LRBA: variants seen among roughly 807,000 people sequenced by gnomAD.
LRBA encodes the protein lipopolysaccharide-responsive and beige-like anchor protein.
A neutral mutation model predicts 330.0 loss-of-function variants in LRBA; 176 were observed. That is an observed-to-expected ratio of 0.53 (90% CI 0.47 to 0.60). The LOEUF (loss-of-function observed/expected upper bound fraction) is 0.60, where lower values mean the gene tolerates loss of function less well. Ranked by LOEUF, LRBA falls within the 20% of genes least tolerant of loss-of-function variation. The pLI is 0.00. For synonymous variants in LRBA, 1,230 were observed against 1,193.0 expected (o/e 1.03, Z -0.64); for missense variants, 3,259 against 3,444.8 (o/e 0.95, Z 1.35).
chr4:150,850,911 GA>G lies in LRBA; in HGVS notation c.3826-10del. ...TCATGTTGCCTTGATATCTAATACA[GA>G]AATTTAAAAAGTAATAAAATAGGTT... On this transcript the variant is annotated splice_polypyrimidine_tract_variant and intron_variant, in intron 23 of 56. Coordinates refer to ENST00000651943, the MANE Select transcript of LRBA (RefSeq NM_001364905.1). 6.3e-7 allele frequency: 1 copy of G among 1,589,228 alleles called. No homozygotes were observed. Among genetic ancestry groups the G allele is most frequent in the Non-Finnish European group, 8.6e-7 (1 of 1,169,482 alleles).
chr4:150,270,978 A>G (rs1409340294), intron 56 of LRBA, among the ~76,000 whole-genome samples: 1 of 152,194 alleles, frequency 6.6e-6, no homozygotes, highest in Non-Finnish European at 1.5e-5. Context: ...CGCTGGGTGG[A>G]TGATTTCTGC....
chr4:150,280,402 T>C (rs1375460009), intron 55 of LRBA, among the ~76,000 whole-genome samples: 2 of 152,200 alleles, frequency 1.3e-5, no homozygotes, highest in Non-Finnish European at 2.9e-5. Context: ...TAAAACAGCC[T>C]CAGGAAGGGA....
intron 51 of LRBA, among the ~76,000 whole-genome samples, chr4:150,312,948 G>A (rs1731250099): frequency 6.6e-6 from 1 of 151,646 alleles, no homozygotes; most frequent in Admixed American, 6.6e-5. Flanking sequence ...TTCATTTTAT[G>A]TAAATAAACA....
chr4:150,833,890 A>G (rs1411060374), intron 28 of LRBA, among the ~76,000 whole-genome samples: 2 of 152,234 alleles, frequency 1.3e-5, no homozygotes, highest in Non-Finnish European at 2.9e-5. Context: ...GTTTTATCAA[A>G]TACATTTAGG....
In LRBA at chr4:150,442,107, G is replaced by A. The variant is rs562477123; in HGVS notation, c.6781-5243C>T. Among the ~76,000 whole-genome samples the A allele has an allele frequency of 4.6e-5, 7 of 152,198 alleles. No individual in the cohort carries two copies. In the South Asian group the frequency reaches 1.5e-3, roughly 32 times the overall value. ...AGTTATTGAAGGTAAGAAAGTTCTG[G>A]GAAATTGGCAAGAAATCTCAGATTT... On this transcript the variant is annotated intron_variant, in intron 44 of 56. Coordinates refer to ENST00000651943, the MANE Select transcript of LRBA (RefSeq NM_001364905.1).
At chr4:150,672,261 G>A (rs916130401) in intron 37 of LRBA, among the ~76,000 whole-genome samples, 6 of 152,020 alleles carry the variant, frequency 3.9e-5, no homozygotes, top group African/African-American at 1.4e-4. Context: ...ATCCCATGGT[G>A]ATTCTAATAG....
At chr4:150,617,780 A>T (rs1473552944) in intron 37 of LRBA, among the ~76,000 whole-genome samples, 1 of 152,134 alleles carries the variant, frequency 6.6e-6, no homozygotes, top group Non-Finnish European at 1.5e-5. Context: ...ATAGCCACTA[A>T]ACCTCGTCTA....
intron 22 of LRBA, among the ~76,000 whole-genome samples, chr4:150,859,018 TTTC>T (rs1365131023): frequency 6.6e-6 from 1 of 152,198 alleles, no homozygotes; most frequent in East Asian, 1.9e-4. Flanking sequence ...ATGGTAGTTT[TTTC>T]TTATGTACAG....
chr4:150,873,189 A>G (rs1478352322), intron 17 of LRBA, among the ~76,000 whole-genome samples: 1 of 152,248 alleles, frequency 6.6e-6, no homozygotes, highest in Non-Finnish European at 1.5e-5. Flanking sequence ...ATAAATGATT[A>G]TCAGAAATAA....
At chr4:150,884,651 G>A (rs1728750423) in intron 17 of LRBA, among the ~76,000 whole-genome samples, 2 of 152,124 alleles carry the variant, frequency 1.3e-5, no homozygotes, top group Non-Finnish European at 2.9e-5. Context: ...GCTGTAGACC[G>A]TGGAGAAAAC....
At chr4:150,294,937 G>C (rs576415155) in intron 53 of LRBA, among the ~76,000 whole-genome samples, 2 of 151,802 alleles carry the variant, frequency 1.3e-5, no homozygotes, top group Non-Finnish European at 2.9e-5. Flanking sequence ...GTGACAGAGA[G>C]ATACTCTGTC....
At chr4:150,826,394 T>C (rs950324917) in intron 30 of LRBA, among the ~76,000 whole-genome samples, 7 of 152,256 alleles carry the variant, frequency 4.6e-5, no homozygotes, top group African/African-American at 1.2e-4. Context: ...CAGGAAGAGA[T>C]AGGCTAACTC....
At chr4:150,805,328 GGAAAGGA>G (rs1420179773) in intron 33 of LRBA, among the ~76,000 whole-genome samples, 6 of 122,768 alleles carry the variant, frequency 4.9e-5, no homozygotes, top group African/African-American at 2.0e-4. Flanking sequence ...GGAAAGGAAA[GGAAAGGA>G]AAGGAGAAGG....
chr4:150,945,750 G>A (rs1736167863), intron 2 of LRBA, among the ~76,000 whole-genome samples: 1 of 151,802 alleles, frequency 6.6e-6, no homozygotes, highest in Non-Finnish European at 1.5e-5. Flanking sequence ...AAATTTTTGA[G>A]GAAAAATCTC....
At chr4:150,867,594 G>A (rs931849713) in intron 22 of LRBA, 77 bp downstream of exon 22, 110 of 1,211,172 alleles carry the variant, frequency 9.1e-5, no homozygotes, top group African/African-American at 5.2e-4. Context: ...TTTAAGTATC[G>A]AAATTTTTTA....
intron 4 of LRBA, among the ~76,000 whole-genome samples, chr4:150,922,491 A>G (rs987437365): frequency 6.6e-6 from 1 of 151,776 alleles, no homozygotes; most frequent in Non-Finnish European, 1.5e-5. Context: ...ACTGGAAACT[A>G]TTATTCTAAG....
chr4:150,574,241 C>T (rs1373005533), intron 40 of LRBA, among the ~76,000 whole-genome samples: 2 of 152,024 alleles, frequency 1.3e-5, no homozygotes, highest in Non-Finnish European at 2.9e-5. Context: ...TGTCTCCAAA[C>T]TATATTTTGT....
intron 36 of LRBA, among the ~76,000 whole-genome samples, chr4:150,700,353 C>A (rs777309169): frequency 4.6e-5 from 7 of 151,928 alleles, no homozygotes; most frequent in Non-Finnish European, 8.8e-5. Context: ...GGCAACTATA[C>A]CACAATGGTA....
intron 44 of LRBA, among the ~76,000 whole-genome samples, chr4:150,445,711 C>A (rs1387678399): frequency 6.6e-6 from 1 of 152,044 alleles, no homozygotes; most frequent in Non-Finnish European, 1.5e-5. Context: ...GTTACCCTGG[C>A]TCACATGCAG....
Sources: allele counts gnomAD v4.1 joint callset (sites outside exome capture counted in the v4.1 genomes callset), GRCh38; gene constraint gnomAD v4.1.1; transcripts MANE v1.5; gene names NCBI Gene and HGNC (gene_info 2026-07-23, HGNC 2026-07-21).